The following LRGUK variants were observed in gnomAD, a reference collection of about 807,000 sequenced individuals.
LRGUK encodes leucine-rich repeat and guanylate kinase domain-containing protein.
A neutral mutation model predicts 76.0 loss-of-function variants in LRGUK; 65 were observed. That is an observed-to-expected ratio of 0.85 (90% CI 0.70 to 1.05). The LOEUF is 1.05. Ranked by LOEUF, LRGUK falls within the 50% of genes least tolerant of loss-of-function variation. LRGUK has a pLI of 0.00. For missense variants in LRGUK, 758 were observed against 732.8 expected (o/e 1.03, Z -0.40); for synonymous variants, 268 against 265.6 (o/e 1.01, Z -0.09).
At chr7:134,194,280 A>G (rs1800390232) in intron 12 of LRGUK, among the ~76,000 whole-genome samples, 1 of 152,184 alleles carries the variant, frequency 6.6e-6, no homozygotes, top group Admixed American at 6.5e-5. Context: ...ACATCTTTCT[A>G]GAAAATGTTT....
intron 14 of LRGUK, among the ~76,000 whole-genome samples, chr7:134,199,982 TTATATATATATATATA>T (rs71172442): frequency 0.029 from 1,112 of 38,430 alleles, 37 homozygotes; most frequent in Middle Eastern, 0.062. Context: ...CTAGAAACTT[TTATATATATATATATA>T]TATATATATA....
chr7:134,254,891 T>C (rs1258810951), intron 18 of LRGUK, among the ~76,000 whole-genome samples: 1 of 152,178 alleles, frequency 6.6e-6, no homozygotes, highest in East Asian at 1.9e-4. Context: ...AACTTAAAAT[T>C]GTTCACTGAA....
intron 5 of LRGUK, among the ~76,000 whole-genome samples, chr7:134,155,185 C>G (rs1160736160): frequency 6.6e-6 from 1 of 152,136 alleles, no homozygotes; most frequent in Admixed American, 6.5e-5. Context: ...CAAAGATTGC[C>G]TGCTCCAAGG....
exon 16 of LRGUK, chr7:134,210,056 G>C: frequency 2.5e-6 from 1 of 399,446 alleles, no homozygotes; most frequent in Non-Finnish European, 4.4e-6. Context: ...CCACAACCAG[G>C]GGCCACTTCA....
chr7:134,199,195 T>G, intron 13 of LRGUK, 25 bp from the exon 14 acceptor site: 1 of 1,598,652 alleles, frequency 6.3e-7, no homozygotes, highest in Non-Finnish European at 8.6e-7. Context: ...TGTTTCCAAT[T>G]TATTATCTTC....
At position 134,137,017 on chromosome 7, in the gene LRGUK, T is replaced by C; in HGVS notation, c.298-6T>C. 1 of 1,608,154 alleles carries C rather than the reference T, an allele frequency of 6.2e-7. No homozygotes were observed. Among genetic ancestry groups the C allele is most frequent in the Non-Finnish European group, 8.5e-7 (1 of 1,175,708 alleles). On this transcript the variant is annotated splice_region_variant and splice_polypyrimidine_tract_variant and intron_variant, in intron 1 of 15. Coordinates refer to ENST00000645682, the Ensembl canonical transcript of LRGUK. The stretch of plus-strand genomic sequence containing the variant: ...TTCTTTGTCTACCTTTCTGGGTTTT[T>C]TACAGGAGGAATTTGATGGGGTCCT...
intron 7 of LRGUK, among the ~76,000 whole-genome samples, chr7:134,166,856 C>T (rs150240036): frequency 6.6e-6 from 1 of 152,190 alleles, no homozygotes; most frequent in African/African-American, 2.4e-5. Flanking sequence ...TGCATTACCC[C>T]CCTCTTCACT....
chr7:134,251,275 A>G (rs953780141), intron 18 of LRGUK, among the ~76,000 whole-genome samples: 5 of 152,198 alleles, frequency 3.3e-5, no homozygotes, highest in Non-Finnish European at 7.3e-5. Context: ...ATTTGGACAC[A>G]GGCACACACA....
At chr7:134,274,662 T>C in the LRGUK span, among the ~76,000 whole-genome samples, 2 of 152,188 alleles carry the variant, frequency 1.3e-5, no homozygotes, top group African/African-American at 4.8e-5. Flanking sequence ...AATCAGCTCA[T>C]AAATGCACAG....
chr7:134,262,628 T>G (rs1802759098), intron 19 of LRGUK, among the ~76,000 whole-genome samples: 1 of 152,174 alleles, frequency 6.6e-6, no homozygotes, highest in African/African-American at 2.4e-5. Context: ...TTTGCTTTGC[T>G]CTTTCCTGTT....
At chr7:134,213,971 A>C (rs1044089705), downstream of LRGUK, among the ~76,000 whole-genome samples, 6 of 152,242 alleles carry the variant, frequency 3.9e-5, no homozygotes, top group Non-Finnish European at 7.3e-5. Context: ...TAGTGACTAC[A>C]TTAGTAATAC....
chr7:134,191,289 A>G (rs112870679), intron 11 of LRGUK, among the ~76,000 whole-genome samples: 311 of 152,328 alleles, frequency 2.0e-3, no homozygotes, highest in African/African-American at 7.1e-3. Context: ...GGAGAGAAGG[A>G]CAGCCTGTGG....
intron 16 of LRGUK, among the ~76,000 whole-genome samples, chr7:134,227,445 T>C (rs1328484122): frequency 6.6e-6 from 1 of 152,236 alleles, no homozygotes; most frequent in Middle Eastern, 3.4e-3. Flanking sequence ...AGAAAAAATA[T>C]ATATAAATAA....
chr7:134,220,263 T>A (rs533921273), intron 15 of LRGUK, among the ~76,000 whole-genome samples: 2 of 152,326 alleles, frequency 1.3e-5, no homozygotes, highest in African/African-American at 4.8e-5. Flanking sequence ...CCTCGCCCAT[T>A]TGTTGCATCT....
At chr7:134,211,934 C>G (rs1458829988), downstream of LRGUK, among the ~76,000 whole-genome samples, 5 of 152,172 alleles carry the variant, frequency 3.3e-5, no homozygotes, top group Non-Finnish European at 5.9e-5. Flanking sequence ...GGACTCTAGT[C>G]ATCTCCTGGA....
rs1274285174 is a variant in LRGUK, at chr7:134,153,802, A to G, written c.671-4233A>G. 1.3e-5 allele frequency among the ~76,000 whole-genome samples: 2 copies of G among 152,180 alleles called. 1 individual carries two copies. The highest frequency in any genetic ancestry group is 2.9e-5 in the Non-Finnish European group (2 of 68,018). On this transcript the variant is annotated intron_variant, in intron 5 of 15. Coordinates refer to ENST00000645682, the Ensembl canonical transcript of LRGUK. ...GAGCATTTTTCACTGGTAAGGTGATACAGATCTTTCAGGATTGGTTTTGAT... is the reference window on the plus strand; with the variant it reads ...GAGCATTTTTCACTGGTAAGGTGATGCAGATCTTTCAGGATTGGTTTTGAT...
intron 6 of LRGUK, among the ~76,000 whole-genome samples, chr7:134,161,080 A>G (rs1798709725): frequency 6.6e-6 from 1 of 152,180 alleles, no homozygotes; most frequent in South Asian, 2.1e-4. Flanking sequence ...AAGCCATTAG[A>G]GATACTGTCG....
At chr7:134,247,800 C>T (rs1802345097) in intron 17 of LRGUK, among the ~76,000 whole-genome samples, 156 bp downstream of exon 17, 3 of 152,118 alleles carry the variant, frequency 2.0e-5, no homozygotes, top group Admixed American at 2.0e-4. Context: ...ATTTCCTTTT[C>T]ATTTGTATAC....
chr7:134,130,995 A>G (rs1222944632), intron 1 of LRGUK, among the ~76,000 whole-genome samples: 1 of 152,244 alleles, frequency 6.6e-6, no homozygotes, highest in African/African-American at 2.4e-5. Context: ...ACAAATAGTA[A>G]CTTACATGTT....
Sources: gnomAD v4.1 joint callset for allele counts (sites outside exome capture counted in the v4.1 genomes callset) on GRCh38, gnomAD v4.1.1 for gene constraint, MANE v1.5 for transcripts, NCBI Gene and HGNC (gene_info 2026-07-23, HGNC 2026-07-21) for gene names.